The following RAPGEF2 variants were observed in gnomAD, a reference collection of about 807,000 sequenced individuals.
The protein encoded by RAPGEF2 is PDZ domain containing guanine nucleotide exchange factor (GEF) 1.
A neutral mutation model predicts 186.7 loss-of-function variants in RAPGEF2; 54 were observed. The ratio of observed to expected loss-of-function variants is 0.29; its 90% CI spans 0.23 to 0.36. RAPGEF2 has a LOEUF of 0.36. Ranked by LOEUF, RAPGEF2 falls within the 10% of genes least tolerant of loss-of-function variation. The pLI is 1.00. For synonymous variants in RAPGEF2, 712 were observed against 705.9 expected, an observed-to-expected ratio of 1.01 and a Z score of -0.14; for missense variants, 1,532 against 2,045.0, an observed-to-expected ratio of 0.75 and a Z score of 4.84.
At chr4:159,270,549 G>T (rs1173019566) in intron 7 of RAPGEF2, among the ~76,000 whole-genome samples, 1 of 151,972 alleles carries the variant, frequency 6.6e-6, no homozygotes, top group Non-Finnish European at 1.5e-5. Flanking sequence ...TGGGGTGGGG[G>T]CATTTTTTTT....
At chr4:159,190,545 G>A (rs886525588) in intron 2 of RAPGEF2, among the ~76,000 whole-genome samples, 3 of 152,186 alleles carry the variant, frequency 2.0e-5, no homozygotes, top group African/African-American at 7.2e-5. Context: ...GTATTAGTCT[G>A]TTCTCACTAT....
chr4:159,208,708 T>C (rs1750205552), intron 3 of RAPGEF2, among the ~76,000 whole-genome samples: 1 of 152,174 alleles, frequency 6.6e-6, no homozygotes, highest in African/African-American at 2.4e-5. Flanking sequence ...TGAGTTTATG[T>C]CCTAACTAAT....
intron 1 of RAPGEF2, among the ~76,000 whole-genome samples, chr4:159,144,910 C>T (rs1383576443): frequency 5.7e-5 from 4 of 69,978 alleles, no homozygotes; most frequent in African/African-American, 2.2e-4. Flanking sequence ...TTTTTTGAGA[C>T]AGTGTGTCAT....
intron 7 of RAPGEF2, among the ~76,000 whole-genome samples, chr4:159,295,750 T>TGCGC (rs1470914736): frequency 1.1e-4 from 11 of 104,520 alleles, no homozygotes; most frequent in South Asian, 5.9e-4. Context: ...TGTGTGTGTG[T>TGCGC]GTGTGCGCGC....
intron 7 of RAPGEF2, among the ~76,000 whole-genome samples, chr4:159,272,207 A>G (rs1758217531): frequency 1.3e-5 from 2 of 152,180 alleles, no homozygotes; most frequent in Non-Finnish European, 1.5e-5. Flanking sequence ...GCCACGATTC[A>G]TTTGTTAGCC....
At chr4:159,284,145 T>C (rs1421070907) in intron 7 of RAPGEF2, among the ~76,000 whole-genome samples, 1 of 152,242 alleles carries the variant, frequency 6.6e-6, no homozygotes, top group East Asian at 1.9e-4. Flanking sequence ...CTTCATTGGC[T>C]CCTTTTAACT....
chr4:159,342,237 TTTTAAGTTTGTTTCAAC>T (rs1318137426), intron 20 of RAPGEF2, among the ~76,000 whole-genome samples: 1 of 152,216 alleles, frequency 6.6e-6, no homozygotes. Context: ...CCCACTTTTT[TTTTAAGTTTGTTTCAAC>T]TTTTCTCAAT....
At chr4:159,344,000 C>T (rs370363038) in intron 22 of RAPGEF2, 36 bp from the exon 23 acceptor site, 108 of 1,524,208 alleles carry the variant, frequency 7.1e-5, no homozygotes, top group Non-Finnish European at 9.7e-5. Context: ...TCTCTTTCTA[C>T]ACCCATGCTT....
intron 1 of RAPGEF2, among the ~76,000 whole-genome samples, chr4:159,183,232 A>C (rs1747207867): frequency 6.6e-6 from 1 of 152,254 alleles, no homozygotes; most frequent in Non-Finnish European, 1.5e-5. Flanking sequence ...TAGACAAACC[A>C]GTGGAATAGA....
At chr4:159,120,720 C>T (rs1579234247) in intron 1 of RAPGEF2, among the ~76,000 whole-genome samples, 1 of 152,106 alleles carries the variant, frequency 6.6e-6, no homozygotes, top group Admixed American at 6.5e-5. Flanking sequence ...ACAACATATG[C>T]CTGAATTTGC....
At chr4:159,323,068 C>CT (rs1455536304) in intron 10 of RAPGEF2, among the ~76,000 whole-genome samples, 1 of 152,066 alleles carries the variant, frequency 6.6e-6, no homozygotes, top group Non-Finnish European at 1.5e-5. Flanking sequence ...GATATATTAA[C>CT]TTTTCAGTTT....
At chr4:159,164,968 C>A (rs1228095925) in intron 1 of RAPGEF2, among the ~76,000 whole-genome samples, 2 of 152,082 alleles carry the variant, frequency 1.3e-5, no homozygotes, top group African/African-American at 4.8e-5. Context: ...TGCTGAAAAT[C>A]TTTAACATAC....
At chr4:159,205,791 G>A (rs956009529) in intron 3 of RAPGEF2, among the ~76,000 whole-genome samples, 5 of 152,132 alleles carry the variant, frequency 3.3e-5, no homozygotes, top group Non-Finnish European at 7.3e-5. Flanking sequence ...TGTACAGCCT[G>A]CGGAACTGTG....
At chr4:159,150,740 T>C (rs1465316216) in intron 1 of RAPGEF2, among the ~76,000 whole-genome samples, 1 of 152,240 alleles carries the variant, frequency 6.6e-6, no homozygotes, top group Non-Finnish European at 1.5e-5. Context: ...CTGTTCGAGT[T>C]ACAAATAAAT....
chr4:159,280,193 G>A (rs1011243077), intron 7 of RAPGEF2, among the ~76,000 whole-genome samples: 14 of 152,166 alleles, frequency 9.2e-5, no homozygotes, highest in African/African-American at 3.4e-4. Flanking sequence ...AATTTATAGG[G>A]AGCTAATTTT....
At chr4:159,351,633 A>G (rs1386799601) in intron 26 of RAPGEF2, among the ~76,000 whole-genome samples, 1 of 152,112 alleles carries the variant, frequency 6.6e-6, no homozygotes, top group African/African-American at 2.4e-5. Context: ...GAAGATTTGG[A>G]TTTTTTTCAT....
intron 1 of RAPGEF2, among the ~76,000 whole-genome samples, chr4:159,104,542 G>GGGAGAGAGGGAGAGAC (rs1737635994): frequency 7.7e-6 from 1 of 129,960 alleles, no homozygotes; most frequent in African/African-American, 3.2e-5. Flanking sequence ...GACAGAGAGA[G>GGGAGAGAGGGAGAGAC]AGAGAGAGAG....
At chr4:159,342,526 C>CTTTTATTTTATTTTATTTTA (rs200624687) in intron 20 of RAPGEF2, among the ~76,000 whole-genome samples, 5 of 108,688 alleles carry the variant, frequency 4.6e-5, no homozygotes, top group East Asian at 2.1e-4. Flanking sequence ...ACTATCATAG[C>CTTTTATTTTATTTTATTTTA]TTTTATTTTA....
At chr4:159,125,984 G>A (rs980407379) in intron 1 of RAPGEF2, among the ~76,000 whole-genome samples, 1 of 152,114 alleles carries the variant, frequency 6.6e-6, no homozygotes, top group African/African-American at 2.4e-5. Context: ...GTAGAAAAAT[G>A]CTAATGAAAA....
Sources: allele counts gnomAD v4.1 joint callset (sites outside exome capture counted in the v4.1 genomes callset), GRCh38; gene constraint gnomAD v4.1.1; transcripts MANE v1.5; gene names NCBI Gene and HGNC (gene_info 2026-07-23, HGNC 2026-07-21).